Variants in PCDHGA4 observed in about 807,000 individuals in gnomAD.
PCDHGA4 encodes the protein protocadherin gamma subfamily A, 4.
In PCDHGA4, 38 loss-of-function variants were observed where a neutral mutation model predicts 54.6. The observed-to-expected ratio is 0.70, with a 90% CI of 0.54 to 0.91. The LOEUF (loss-of-function observed/expected upper bound fraction) is 0.91. PCDHGA4 is among the 40% of genes least tolerant of loss of function. PCDHGA4 has a pLI of 0.00. For missense variants in PCDHGA4, 1,298 were observed against 1,220.9 expected (o/e 1.06, Z -0.94); for synonymous variants, 511 against 512.9 (o/e 1.00, Z 0.05).
chr5:141,372,593 CA>C, intron 1 of PCDHGA4: 1 of 1,614,030 alleles, frequency 6.2e-7, no homozygotes, highest in South Asian at 1.1e-5. Flanking sequence ...GTGTCTGCTT[CA>C]AGACTGTACC....
At chr5:141,496,164 C>T (rs745320704) in intron 2 of PCDHGA4, among the ~76,000 whole-genome samples, 1 of 152,084 alleles carries the variant, frequency 6.6e-6, no homozygotes, top group Non-Finnish European at 1.5e-5. Context: ...CCACCAGACA[C>T]CCTCCCATCC....
At chr5:141,396,487 G>A (rs1196823269) in intron 1 of PCDHGA4, 1 of 152,122 alleles carries the variant, frequency 6.6e-6, no homozygotes, top group Non-Finnish European at 1.5e-5. Flanking sequence ...AGGCATGGTG[G>A]CATGCGCCTG....
intron 1 of PCDHGA4, among the ~76,000 whole-genome samples, chr5:141,463,684 G>C (rs2099066814): frequency 6.6e-6 from 1 of 151,910 alleles, no homozygotes; most frequent in African/African-American, 2.4e-5. Flanking sequence ...ATGACCTCGT[G>C]ATCTGCTCAC....
chr5:141,423,086 T>TG, intron 1 of PCDHGA4: 1 of 1,613,912 alleles, frequency 6.2e-7, no homozygotes, highest in South Asian at 1.1e-5. Flanking sequence ...CTCTTCGCGG[T>TG]GGGGGAGCAC....
intron 1 of PCDHGA4, chr5:141,399,475 C>G: frequency 1.2e-6 from 2 of 1,614,022 alleles, no homozygotes; most frequent in Non-Finnish European, 1.7e-6. Context: ...GGTTTTCCAC[C>G]AGGCGTCCTA....
rs1759711689 is a variant in PCDHGA4, at chr5:141,355,088, C to T, written c.-20C>T. 1.4e-6 allele frequency: 2 copies of T among 1,465,708 alleles called. No homozygotes were observed. Among genetic ancestry groups the T allele is most frequent in the Admixed American group, 2.5e-5 (1 of 40,518 alleles). The allele number at this position is 1,465,708 out of a possible 1,614,324, so 90.8% of individuals were successfully genotyped here. A position where few individuals can be genotyped will look rare whatever the true frequency, so the allele number is the denominator to read the frequency against. ...CTTTATGAAAGCTTCAAGCGGAAGC[C>T]CTGAGAGCTCTGGCTGTGAATGCAC... is the stretch of plus-strand genomic sequence containing the variant. On this transcript the variant is annotated 5_prime_UTR_variant, in exon 1 of 4. Transcript: ENST00000571252.
chr5:141,362,794 C>T (rs865957377), intron 1 of PCDHGA4, among the ~76,000 whole-genome samples: 2 of 152,246 alleles, frequency 1.3e-5, no homozygotes, highest in African/African-American at 4.8e-5. Context: ...TTTTCTTCCT[C>T]ATCTTTACAT....
chr5:141,459,795 C>T (rs1394778891), intron 1 of PCDHGA4, among the ~76,000 whole-genome samples: 1 of 152,190 alleles, frequency 6.6e-6, no homozygotes, highest in Non-Finnish European at 1.5e-5. Flanking sequence ...AACTGTTTTT[C>T]CCTGTTGACT....
intron 1 of PCDHGA4, chr5:141,394,087 C>G (rs2092917292): frequency 6.2e-7 from 1 of 1,613,770 alleles, no homozygotes; most frequent in Admixed American, 1.7e-5. Flanking sequence ...GTGATGGCCT[C>G]AGATCTAGGA....
chr5:141,385,707 A>C (rs1397936755), intron 1 of PCDHGA4: 1 of 259,744 alleles, frequency 3.8e-6, no homozygotes, highest in Non-Finnish European at 6.2e-6. Flanking sequence ...TTTAGCATTC[A>C]AATATGTAAA....
At chr5:141,388,401 A>G (rs1243768242) in intron 1 of PCDHGA4, 1 of 1,613,908 alleles carries the variant, frequency 6.2e-7, no homozygotes, top group Non-Finnish European at 8.5e-7. Context: ...TTACCAACTC[A>G]GTCCCAGTGA....
chr5:141,361,021 G>GA (rs758957504), intron 1 of PCDHGA4: 19 of 1,612,934 alleles, frequency 1.2e-5, no homozygotes, highest in Admixed American at 6.7e-5. Flanking sequence ...CAACTTAAAT[G>GA]AAAAAACAGG....
At chr5:141,360,569 C>A in intron 1 of PCDHGA4, 1 of 1,613,934 alleles carries the variant, frequency 6.2e-7, no homozygotes. Flanking sequence ...ATTGGCGAAT[C>A]CACTAAGCCA....
chr5:141,492,320 G>T (rs1001784912), intron 1 of PCDHGA4, among the ~76,000 whole-genome samples: 1 of 152,206 alleles, frequency 6.6e-6, no homozygotes, highest in Non-Finnish European at 1.5e-5. Context: ...CTCCTCGCAC[G>T]TGGGCTTACG....
At position 141,511,181 on chromosome 5, in the gene PCDHGA4, G is replaced by A. The variant is rs1301391138; in HGVS notation, c.*8G>A. On this transcript the variant is annotated 3_prime_UTR_variant, in exon 4 of 4. Transcript: ENST00000571252. Reference sequence around the variant, plus strand: ...AAGAAGGAGAAGAAGTAACATGGAGGCCAGGCCAAGAGCCACAGGGCGGCC... The same window carrying A: ...AAGAAGGAGAAGAAGTAACATGGAGACCAGGCCAAGAGCCACAGGGCGGCC... 6.2e-7 allele frequency: 1 copy of A among 1,614,016 alleles called. No homozygotes were observed. The highest frequency in any genetic ancestry group is 1.7e-5 in the Admixed American group (1 of 60,016).
chr5:141,414,212 A>G (rs778319178), intron 1 of PCDHGA4: 1 of 1,612,944 alleles, frequency 6.2e-7, no homozygotes, highest in Admixed American at 1.7e-5. Flanking sequence ...GATGTAAATG[A>G]CAACAGTCCA....
intron 2 of PCDHGA4, among the ~76,000 whole-genome samples, chr5:141,496,955 G>T (rs2099772887): frequency 6.6e-6 from 1 of 152,006 alleles, no homozygotes; most frequent in African/African-American, 2.4e-5. Context: ...GGAGGCCAAG[G>T]TGGGTAGATC....
At chr5:141,394,240 C>T in intron 1 of PCDHGA4, 1 of 1,613,940 alleles carries the variant, frequency 6.2e-7, no homozygotes, top group Non-Finnish European at 8.5e-7. Context: ...TCCTTGACTG[C>T]ACACGACCCC....
chr5:141,371,470 A>T (rs1215048137), intron 1 of PCDHGA4: 1 of 1,613,998 alleles, frequency 6.2e-7, no homozygotes, highest in Admixed American at 1.7e-5. Context: ...ATACAAGAAG[A>T]TGCTGAGCTG....
Sources: allele counts gnomAD v4.1 joint callset (sites outside exome capture counted in the v4.1 genomes callset), GRCh38; gene constraint gnomAD v4.1.1; transcripts MANE v1.5; gene names NCBI Gene and HGNC (gene_info 2026-07-23, HGNC 2026-07-21).